Variants in ZNF780B observed in about 807,000 individuals in gnomAD.
ZNF780B encodes zinc finger protein 780B, also known as zinc finger protein 779.
A neutral mutation model predicts 74.1 loss-of-function variants in ZNF780B; 52 were observed. The observed-to-expected ratio is 0.70, with a 90% CI of 0.56 to 0.88. The LOEUF is 0.88. Ranked by LOEUF, ZNF780B falls within the 40% of genes least tolerant of loss-of-function variation. ZNF780B has a pLI of 0.00. For missense variants in ZNF780B, 953 were observed against 1,007.6 expected (o/e 0.95, Z 0.73); for synonymous variants, 315 against 324.3 (o/e 0.97, Z 0.31).
Position 40,034,192 on chromosome 19 carries a change from C to A in ZNF780B, c.*165G>T, listed in dbSNP as rs954047515. Reference sequence around the variant, plus strand: ...CATTCTTCACATTGATATGGTTTCTCACCAGTATGAATTCTCTGATGTACT... The same window carrying A: ...CATTCTTCACATTGATATGGTTTCTAACCAGTATGAATTCTCTGATGTACT... On this transcript the variant is annotated 3_prime_UTR_variant, in exon 5 of 5. Transcript: ENST00000434248. 12 of 692,772 alleles carry A rather than the reference C, an allele frequency of 1.7e-5. No individual in the cohort carries two copies. The Admixed American group carries it at 1.8e-4, about 10-fold the overall frequency. 42.9% of individuals were successfully genotyped at this position (692,772 alleles called of 1,614,324 possible).
At position 40,032,082 on chromosome 19, in the gene ZNF780B, AG is replaced by A; in HGVS notation, c.*2274del. The A allele has an allele frequency of 2.2e-6, 1 of 456,080 alleles. No homozygotes were observed. Among genetic ancestry groups the A allele is most frequent in the Non-Finnish European group, 4.4e-6 (1 of 226,834 alleles). The allele number at this position is 456,080 out of a possible 1,614,324, so 28.3% of individuals were successfully genotyped here. A position where few individuals can be genotyped will look rare whatever the true frequency, so the allele number is the denominator to read the frequency against. On this transcript the variant is annotated 3_prime_UTR_variant, in exon 5 of 5. Transcript: ENST00000434248. ...TGTAAAGAAAATACAACCAAGAACA[AG>A]GCTAAATGACACTATAAAGAAAGAA...
intron 3 of ZNF780B, among the ~76,000 whole-genome samples, chr19:40,048,363 T>C (rs568699793): frequency 2.0e-5 from 3 of 152,308 alleles, no homozygotes; most frequent in African/African-American, 7.2e-5. Context: ...AAACATAATA[T>C]GAAACCTGGT....
At chr19:40,048,116 A>G (rs1025335543) in intron 3 of ZNF780B, among the ~76,000 whole-genome samples, 5 of 152,168 alleles carry the variant, frequency 3.3e-5, no homozygotes, top group African/African-American at 9.7e-5. Flanking sequence ...CTGTCAACCC[A>G]ATCAGTATAT....
At chr19:40,046,391 G>C (rs1220454600) in intron 4 of ZNF780B, among the ~76,000 whole-genome samples, 1 of 152,128 alleles carries the variant, frequency 6.6e-6, no homozygotes, top group Non-Finnish European at 1.5e-5. Context: ...CAAATATTGG[G>C]TATCAATTAA....
chr19:40,053,292 G>A (rs948949089), intron 1 of ZNF780B, among the ~76,000 whole-genome samples: 1 of 152,112 alleles, frequency 6.6e-6, no homozygotes, highest in African/African-American at 2.4e-5. Context: ...ACATATAAAT[G>A]GCTACAGTAT....
chr19:40,050,266 G>T, intron 2 of ZNF780B, 58 bp downstream of exon 2: 1 of 1,429,128 alleles, frequency 7.0e-7, no homozygotes, highest in Non-Finnish European at 9.6e-7. Context: ...AATAATAACA[G>T]TCACCTAACC....
Position 40,036,173 on chromosome 19 carries a change from G to A in ZNF780B, c.686C>T (p.Ala229Val). 1.2e-6 allele frequency: 2 copies of A among 1,613,834 alleles called. No homozygotes were observed. Among genetic ancestry groups the A allele is most frequent in the Non-Finnish European group, 1.7e-6 (2 of 1,179,944 alleles). The change falls in exon 5 of 5, where the codon GCC becomes GTC. Residue 229 changes from alanine to valine, a missense_variant. Coordinates refer to ENST00000434248, the MANE Select transcript of ZNF780B (RefSeq NM_001005851.3). ...KTFECKECGK[A>V]FNLPTQLNRH... ...ATTAAGCTGGGTGGGAAGATTAAAG[G>A]CTTTTCCACATTCCTTACATTCAAA...
intron 1 of ZNF780B, among the ~76,000 whole-genome samples, chr19:40,055,251 G>A (rs956808258): frequency 2.6e-5 from 4 of 151,992 alleles, no homozygotes; most frequent in African/African-American, 9.7e-5. Context: ...AAATGGCAAG[G>A]TGGGGAGCGG....
chr19:40,049,675 AATC>A (rs749866342), intron 2 of ZNF780B, among the ~76,000 whole-genome samples: 8 of 152,174 alleles, frequency 5.3e-5, no homozygotes, highest in Non-Finnish European at 1.0e-4. Context: ...CAAATGCGAC[AATC>A]ATCTGTAACT....
In ZNF780B at chr19:40,048,670, C is replaced by T; in HGVS notation, c.136G>A (p.Gly46Arg). 1 of 1,614,140 alleles carries T rather than the reference C, an allele frequency of 6.2e-7. No homozygotes were observed. Among genetic ancestry groups the T allele is most frequent in the Non-Finnish European group, 8.5e-7 (1 of 1,180,010 alleles). ...LENYSHLISL[G>R]SSISKPDVIT... ...AAATAACTGGGACCAATGACCTTAC[C>T]CAGTGATATCAGGTGGCTGTAGTTC... Residue 46 changes from glycine (G) to arginine (R), a missense_variant and splice_region_variant, in exon 3 of 5, where the codon GGA becomes AGA. Gly to Arg is a moderately radical substitution (Grantham distance 125, BLOSUM62 -2). Coordinates refer to ENST00000434248, the MANE Select transcript of ZNF780B (RefSeq NM_001005851.3).
In ZNF780B at chr19:40,034,001, A is replaced by G. The variant is rs894823467; in HGVS notation, c.*356T>C. On this transcript the variant is annotated 3_prime_UTR_variant, in exon 5 of 5. Transcript: ENST00000434248. Reference sequence around the variant, plus strand: ...TAAGCTAAATCCAAAAGTTTTCCACATTCTTTACACTCACAGGGTTTCTCA... The same window carrying G: ...TAAGCTAAATCCAAAAGTTTTCCACGTTCTTTACACTCACAGGGTTTCTCA... 3 of 290,088 alleles carry G rather than the reference A, an allele frequency of 1.0e-5. No homozygotes were observed. Among genetic ancestry groups the G allele is most frequent in the Non-Finnish European group, 2.0e-5 (3 of 150,088 alleles). 18.0% of individuals were successfully genotyped at this position (290,088 alleles called of 1,614,324 possible).
At chr19:40,050,433 G>A in intron 1 of ZNF780B, 56 bp from the exon 2 acceptor site, 2 of 1,451,250 alleles carry the variant, frequency 1.4e-6, no homozygotes, top group Non-Finnish European at 1.9e-6. Context: ...GAAAGCACTA[G>A]AACGAATAAA....
chr19:40,035,871 C>A lies in ZNF780B; in HGVS notation c.988G>T (p.Glu330Ter). ...CATTCTTTACATTCAAAGGGTTTCT[C>A]GCCAGTATGAATTCGGCAATGTTCA... ...LIEHCRIHTG[E>*]KPFECKECRK... Residue 330 changes from glutamate to a stop codon, truncating the protein, a stop_gained, in exon 5 of 5, where the codon GAG (glutamate) becomes TAG (stop). Coordinates refer to ENST00000434248, the MANE Select transcript of ZNF780B (RefSeq NM_001005851.3). LOFTEE classifies it high-confidence loss of function. 6.8e-6 allele frequency: 11 copies of A among 1,613,590 alleles called. No individual in the cohort carries two copies. Among genetic ancestry groups the A allele is most frequent in the Non-Finnish European group, 9.3e-6 (11 of 1,179,934 alleles).
intron 4 of ZNF780B, among the ~76,000 whole-genome samples, chr19:40,041,249 G>A (rs970363417): frequency 6.6e-6 from 1 of 152,198 alleles, no homozygotes; most frequent in Non-Finnish European, 1.5e-5. Context: ...GTTCTGGTTT[G>A]ATTGCCCTGT....
Position 40,036,424 on chromosome 19 carries a change from G to C in ZNF780B, c.435C>G (p.Ser145Arg), listed in dbSNP as rs1219451902. Reference protein sequence around the residue: ...QEGYINQKIISYEEMPAYTHA... With the variant: ...QEGYINQKIIRYEEMPAYTHA... The stretch of plus-strand genomic sequence containing the variant: ...GAGTATAAGCAGGCATTTCTTCATA[G>C]CTGATGATCTTCTGGTTGATATATC... Residue 145 changes from serine to arginine, a missense_variant, in exon 5 of 5, where the codon AGC becomes AGG. Physicochemically the swap from Ser to Arg is moderately radical, Grantham distance 110. Transcript: ENST00000434248. The C allele has an allele frequency of 6.2e-5, 100 of 1,609,172 alleles. No individual in the cohort carries two copies. Among genetic ancestry groups the C allele is most frequent in the Non-Finnish European group, 8.4e-5 (99 of 1,178,492 alleles).
At position 40,035,996 on chromosome 19, in the gene ZNF780B, C is replaced by G; in HGVS notation, c.863G>C (p.Arg288Pro). The change falls in exon 5 of 5, where the codon CGT (arginine) becomes CCT (proline). Residue 288 changes from arginine to proline, a missense_variant. Transcript: ENST00000434248. ...TTGATGCTGAATAAGATTTGAACCA[C>G]GATTAAAGGCTTTCCCACACTCCTT... The part of the protein sequence containing the change: ...QCKECGKAFN[R>P]GSNLIQHQKI... The G allele has an allele frequency of 1.2e-6, 2 of 1,613,918 alleles. No homozygotes were observed. Among genetic ancestry groups the G allele is most frequent in the Non-Finnish European group, 1.7e-6 (2 of 1,179,978 alleles).
chr19:40,040,739 G>A (rs1424003725), intron 4 of ZNF780B, among the ~76,000 whole-genome samples: 1 of 152,160 alleles, frequency 6.6e-6, no homozygotes, highest in East Asian at 1.9e-4. Context: ...TTGTATTTCT[G>A]TGGGATTGGT....
chr19:40,037,218 AT>A (rs562892051), intron 4 of ZNF780B, among the ~76,000 whole-genome samples: 9,155 of 131,728 alleles, frequency 0.069, 425 homozygotes, highest in East Asian at 0.19. Context: ...CCTGGCCTCT[AT>A]TTTTTTTTTT....
Position 40,049,147 on chromosome 19 carries a change from T to A in ZNF780B, c.10-351A>T, listed in dbSNP as rs145366584. 4.8e-5 allele frequency: 11 copies of A among 228,818 alleles called. No homozygotes were observed. In the East Asian group the frequency reaches 1.3e-3, roughly 28 times the overall value. The allele number at this position is 228,818 out of a possible 1,614,324, so 14.2% of individuals were successfully genotyped here. On this transcript the variant is annotated intron_variant, in intron 2 of 4. Coordinates refer to ENST00000434248, the MANE Select transcript of ZNF780B (RefSeq NM_001005851.3). The stretch of plus-strand genomic sequence containing the variant: ...TACTTGGGAAGCTGAGGTGGGAGTA[T>A]TGCTTGAGCCTGGGAGTTCAATGCT...
Sources: gnomAD v4.1 joint callset for allele counts (sites outside exome capture counted in the v4.1 genomes callset) on GRCh38, gnomAD v4.1.1 for gene constraint, MANE v1.5 for transcripts, NCBI Gene and HGNC (gene_info 2026-07-23, HGNC 2026-07-21) for gene names.